Variants in CEBPG observed in about 807,000 individuals in gnomAD.
CEBPG encodes CCAAT/enhancer-binding protein gamma.
In CEBPG, 6 loss-of-function variants were observed where a neutral mutation model predicts 11.1. The observed-to-expected ratio is 0.54, with a 90% CI of 0.30 to 1.07. The LOEUF (loss-of-function observed/expected upper bound fraction) is 1.07, where lower values mean the gene tolerates loss of function less well. CEBPG is among the 50% of genes least tolerant of loss of function. The pLI, the probability that CEBPG is intolerant of heterozygous loss-of-function variation, is 0.07. For missense variants in CEBPG, 161 were observed against 187.4 expected (o/e 0.86, Z 0.82); for synonymous variants, 66 against 71.0 (o/e 0.93, Z 0.36).
chr19:33,375,065 A>G (rs1967896281), intron 1 of CEBPG, among the ~76,000 whole-genome samples: 1 of 152,238 alleles, frequency 6.6e-6, no homozygotes, highest in South Asian at 2.1e-4. Flanking sequence ...AGGCTAAATA[A>G]TTACAGGGTA....
At chr19:33,378,830 A>G (rs1304929567) in intron 1 of CEBPG, among the ~76,000 whole-genome samples, 1 of 152,176 alleles carries the variant, frequency 6.6e-6, no homozygotes, top group Non-Finnish European at 1.5e-5. Flanking sequence ...GGAGATTGTC[A>G]AGTGCTGTTA....
At chr19:33,374,715 G>A (rs1967892075) in intron 1 of CEBPG, 1 of 152,164 alleles carries the variant, frequency 6.6e-6, no homozygotes, top group Admixed American at 6.5e-5. Context: ...TTACGTGTTG[G>A]GTTTTCCTCT....
chr19:33,378,340 G>T (rs1967938197), intron 1 of CEBPG, among the ~76,000 whole-genome samples: 1 of 152,196 alleles, frequency 6.6e-6, no homozygotes. Context: ...CCTTTGTCCA[G>T]CCTGGGTCCC....
Position 33,382,564 on chromosome 19 carries a change from A to G in CEBPG, c.*2872A>G, listed in dbSNP as rs1968003313. ...AGCTGTTAGATCTGCCTCTCAGGAAAAAGTACTAACTTGTTCTTTTTGTTC... is the reference window on the plus strand; with the variant it reads ...AGCTGTTAGATCTGCCTCTCAGGAAGAAGTACTAACTTGTTCTTTTTGTTC... On this transcript the variant is annotated 3_prime_UTR_variant, in exon 2 of 2. Coordinates refer to ENST00000284000, the MANE Select transcript of CEBPG (RefSeq NM_001806.4). 1 of 167,112 alleles carries G rather than the reference A, an allele frequency of 6.0e-6. No homozygotes were observed. The highest frequency in any genetic ancestry group is 6.5e-5 in the Admixed American group (1 of 15,290). The allele number at this position is 167,112 out of a possible 1,614,324, so 10.4% of individuals were successfully genotyped here. A position where few individuals can be genotyped will look rare whatever the true frequency, so the allele number is the denominator to read the frequency against.
rs75654553 is a variant in CEBPG, at chr19:33,379,468, A to C, written c.229A>C (p.Lys77Gln). The C allele has an allele frequency of 6.2e-7, 1 of 1,614,046 alleles. No homozygotes were observed. Residue 77 changes from lysine to glutamine, a missense_variant, in exon 2 of 2, where the codon AAA becomes CAA. Lys to Gln is a moderately conservative substitution (Grantham distance 53). Coordinates refer to ENST00000284000, the MANE Select transcript of CEBPG (RefSeq NM_001806.4). ...CCGAGAGAGGAACAACATGGCTGTG[A>C]AAAAGAGCCGGTTGAAAAGCAAGCA... Reference protein sequence around the residue: ...QRRERNNMAVKKSRLKSKQKA... With the variant: ...QRRERNNMAVQKSRLKSKQKA...
In CEBPG at chr19:33,379,508, C is replaced by G; in HGVS notation, c.269C>G (p.Thr90Arg). 6.2e-7 allele frequency: 1 copy of G among 1,613,980 alleles called. No homozygotes were observed. The highest frequency in any genetic ancestry group is 8.5e-7 in the Non-Finnish European group (1 of 1,179,952). The change falls in exon 2 of 2, where the codon ACA becomes AGA. Residue 90 changes from threonine (T) to arginine (R), a missense_variant. By Grantham distance (71) the Thr-to-Arg change is moderately conservative. Coordinates refer to ENST00000284000, the MANE Select transcript of CEBPG (RefSeq NM_001806.4). ...RLKSKQKAQD[T>R]LQRVNQLKEE... ...AAAAGCAAGCAGAAAGCACAAGACA[C>G]ACTGCAGAGAGTCAATCAGCTCAAA...
At chr19:33,377,644 C>A (rs1334384341) in intron 1 of CEBPG, among the ~76,000 whole-genome samples, 1 of 152,102 alleles carries the variant, frequency 6.6e-6, no homozygotes, top group Admixed American at 6.5e-5. Flanking sequence ...AATGAGGCAA[C>A]CTAATGATGA....
Position 33,380,179 on chromosome 19 carries a change from G to A in CEBPG, c.*487G>A, listed in dbSNP as rs1256059186. 1 of 167,390 alleles carries A rather than the reference G, an allele frequency of 6.0e-6. No homozygotes were observed. The highest frequency in any genetic ancestry group is 1.5e-5 in the Non-Finnish European group (1 of 68,376). 10.4% of individuals were successfully genotyped at this position (167,390 alleles called of 1,614,324 possible). Reference sequence around the variant, plus strand: ...TAGAGCTATAGAAAGCAATGAGTGTGTAATTTGGAGTGATTTTATATATGG... The same window carrying A: ...TAGAGCTATAGAAAGCAATGAGTGTATAATTTGGAGTGATTTTATATATGG... On this transcript the variant is annotated 3_prime_UTR_variant, in exon 2 of 2. Coordinates refer to ENST00000284000, the MANE Select transcript of CEBPG (RefSeq NM_001806.4).
chr19:33,381,368 T>G lies in CEBPG; in HGVS notation c.*1676T>G, dbSNP rs1238769531. 1 of 167,036 alleles carries G rather than the reference T, an allele frequency of 6.0e-6. No individual in the cohort carries two copies. Among genetic ancestry groups the G allele is most frequent in the African/African-American group, 2.4e-5 (1 of 41,438 alleles). The allele number at this position is 167,036 out of a possible 1,614,324, so 10.3% of individuals were successfully genotyped here. A position where few individuals can be genotyped will look rare whatever the true frequency, so the allele number is the denominator to read the frequency against. ...GTGTCCAGCAACTCAGCAAAGCCAT[T>G]CTTAAGAGTCGTGAGGTCCTTCTGA... On this transcript the variant is annotated 3_prime_UTR_variant, in exon 2 of 2. Transcript: ENST00000284000.
intron 1 of CEBPG, among the ~76,000 whole-genome samples, chr19:33,378,870 T>C (rs1172507716): frequency 6.6e-6 from 1 of 152,208 alleles, no homozygotes; most frequent in Non-Finnish European, 1.5e-5. Context: ...TTAGTGGAAG[T>C]CTTTTGTTTT....
chr19:33,375,252 T>A (rs1425614116), intron 1 of CEBPG, among the ~76,000 whole-genome samples: 4 of 152,206 alleles, frequency 2.6e-5, no homozygotes, highest in African/African-American at 9.7e-5. Context: ...CTGTCTGATC[T>A]TGGAGAGATG....
Position 33,381,866 on chromosome 19 carries a change from T to C in CEBPG, c.*2174T>C, listed in dbSNP as rs1255732020. The C allele has an allele frequency of 6.0e-6, 1 of 167,114 alleles. No homozygotes were observed. Among genetic ancestry groups the C allele is most frequent in the Non-Finnish European group, 1.5e-5 (1 of 68,130 alleles). 10.4% of individuals were successfully genotyped at this position (167,114 alleles called of 1,614,324 possible). A position where few individuals can be genotyped will look rare whatever the true frequency, so the allele number is the denominator to read the frequency against. ...CTATTAGCCATGGAAATGCAAAGTT[T>C]AGCAGAAGCAAGCAATTAGGCAGAG... On this transcript the variant is annotated 3_prime_UTR_variant, in exon 2 of 2. Coordinates refer to ENST00000284000, the MANE Select transcript of CEBPG (RefSeq NM_001806.4).
chr19:33,375,271 C>T (rs1162122618), intron 1 of CEBPG, among the ~76,000 whole-genome samples: 1 of 152,066 alleles, frequency 6.6e-6, no homozygotes, highest in Non-Finnish European at 1.5e-5. Flanking sequence ...TGGTTTCATC[C>T]CTGGGAAATT....
chr19:33,378,147 T>C (rs1404057766), intron 1 of CEBPG, among the ~76,000 whole-genome samples: 2 of 152,224 alleles, frequency 1.3e-5, no homozygotes, highest in African/African-American at 2.4e-5. Context: ...CTTTTACACT[T>C]CTTGGGGCAG....
intron 1 of CEBPG, among the ~76,000 whole-genome samples, chr19:33,376,982 T>C (rs988490121): frequency 3.3e-5 from 5 of 152,166 alleles, no homozygotes; most frequent in African/African-American, 1.2e-4. Context: ...TTCTCTTTCT[T>C]ACATTTTCAC....
chr19:33,381,089 CTT>C lies in CEBPG; in HGVS notation c.*1403_*1404del, dbSNP rs1207973566. 6.0e-6 allele frequency: 1 copy of C among 166,980 alleles called. No homozygotes were observed. Among genetic ancestry groups the C allele is most frequent in the East Asian group, 1.9e-4 (1 of 5,192 alleles). 10.3% of individuals were successfully genotyped at this position (166,980 alleles called of 1,614,324 possible). On this transcript the variant is annotated 3_prime_UTR_variant, in exon 2 of 2. Coordinates refer to ENST00000284000, the MANE Select transcript of CEBPG (RefSeq NM_001806.4). ...CTCTCTTTTGCTTTCTTTTCTTTCT[CTT>C]TTTTTCTTAGCACAGTTCTAGCTCA...
rs1331720250 is a variant in CEBPG, at chr19:33,381,879, C to A, written c.*2187C>A. On this transcript the variant is annotated 3_prime_UTR_variant, in exon 2 of 2. Coordinates refer to ENST00000284000, the MANE Select transcript of CEBPG (RefSeq NM_001806.4). ...AAATGCAAAGTTTAGCAGAAGCAAG[C>A]AATTAGGCAGAGAACAAAAATGTTA... 2 of 167,006 alleles carry A rather than the reference C, an allele frequency of 1.2e-5. No homozygotes were observed. The highest frequency in any genetic ancestry group is 2.9e-5 in the Non-Finnish European group (2 of 68,120). 10.3% of individuals were successfully genotyped at this position (167,006 alleles called of 1,614,324 possible).
At chr19:33,377,844 G>A (rs1041059153) in intron 1 of CEBPG, among the ~76,000 whole-genome samples, 1 of 152,196 alleles carries the variant, frequency 6.6e-6, no homozygotes, top group African/African-American at 2.4e-5. Flanking sequence ...AAGCAAAGAT[G>A]TTTTTTAAAA....
Position 33,379,173 on chromosome 19 carries a change from C to A in CEBPG, c.-67C>A. ...ATGTGAAGATTTTTTGGCAGCTTAG[C>A]GTGGAAACCATTGATCACCCTGCTC... is the stretch of plus-strand genomic sequence containing the variant. On this transcript the variant is annotated 5_prime_UTR_variant, in exon 2 of 2. Transcript: ENST00000284000. 1.1e-5 allele frequency: 15 copies of A among 1,404,532 alleles called. No homozygotes were observed. The highest frequency in any genetic ancestry group is 2.8e-5 in the Admixed American group (1 of 36,306). The allele number at this position is 1,404,532 out of a possible 1,614,324, so 87.0% of individuals were successfully genotyped here.
Sources: allele counts gnomAD v4.1 joint callset (sites outside exome capture counted in the v4.1 genomes callset), GRCh38; gene constraint gnomAD v4.1.1; transcripts MANE v1.5; gene names NCBI Gene and HGNC (gene_info 2026-07-23, HGNC 2026-07-21).